Variants in FAM9B observed in about 807,000 individuals in gnomAD.
FAM9B encodes protein FAM9B.
FAM9B carries 18 observed loss-of-function variants against 16.6 expected under a neutral mutation model. The observed-to-expected ratio is 1.09, with a 90% CI of 0.75 to 1.61. FAM9B has a LOEUF of 1.61. Among genes scored for constraint, FAM9B ranks in the 40% most tolerant of loss-of-function variants. The probability of loss-of-function intolerance (pLI) is 0.00; values close to 1 mark genes in which losing one functional copy is unlikely to be tolerated. For synonymous variants in FAM9B, 43 were observed against 42.6 expected (o/e 1.01, Z -0.03); for missense variants, 155 against 136.0 (o/e 1.14, Z -0.70).
intron 1 of FAM9B, 68 bp downstream of exon 1, chrX:9,033,784 C>A (rs1266194990): frequency 2.1e-5 from 16 of 745,118 alleles, no homozygotes; most frequent in Middle Eastern, 7.5e-4. Flanking sequence ...GGCTGCCCAG[C>A]GCTTCACACC....
intron 6 of FAM9B, 108 bp downstream of exon 6, chrX:9,029,199 C>T: frequency 1.6e-6 from 1 of 634,927 alleles, no homozygotes; most frequent in South Asian, 3.2e-5. Flanking sequence ...ACGGGCCCCC[C>T]TCTCTGGGCT....
chrX:9,024,235 C>G lies in FAM9B; in HGVS notation c.*1174G>C, dbSNP rs1307324869. 9.0e-6 allele frequency: 1 copy of G among 111,377 alleles called. No individual in the cohort carries two copies. Among genetic ancestry groups the G allele is most frequent in the Non-Finnish European group, 1.9e-5 (1 of 53,097 alleles). 9.2% of individuals were successfully genotyped at this position (111,377 alleles called of 1,213,427 possible). On this transcript the variant is annotated 3_prime_UTR_variant, in exon 9 of 9. Coordinates refer to ENST00000327220, the MANE Select transcript of FAM9B (RefSeq NM_205849.3). ...AAAAAGGAAAGGCAGGCGAATTCAT[C>G]ATTCAAGTTTTTAGATGTCCATATA... is the stretch of plus-strand genomic sequence containing the variant.
intron 4 of FAM9B, chrX:9,031,216 T>A (rs1027841141): frequency 2.6e-4 from 29 of 112,004 alleles, no homozygotes; most frequent in African/African-American, 7.1e-4. Flanking sequence ...CTTGTATGAA[T>A]CATCGCTAGA....
intron 4 of FAM9B, chrX:9,031,810 G>T: frequency 4.5e-6 from 1 of 220,844 alleles, no homozygotes; most frequent in Non-Finnish European, 8.2e-6. Context: ...GACTTAATCT[G>T]TGTATACTAA....
chrX:9,027,990 G>A lies in FAM9B; in HGVS notation c.394-24C>T, dbSNP rs765772435. 9.3e-6 allele frequency: 10 copies of A among 1,077,419 alleles called. No individual in the cohort carries two copies. In the East Asian group the frequency reaches 2.7e-4, roughly 29 times the overall value. The allele number at this position is 1,077,419 out of a possible 1,213,427, so 88.8% of individuals were successfully genotyped here. On this transcript the variant is annotated intron_variant, in intron 6 of 8. Transcript: ENST00000327220. Reference sequence around the variant, plus strand: ...CTCTAGAATCCCAAAACAAAATAGTGATAAAAATTGGGTAAATTTTAATAC... The same window carrying A: ...CTCTAGAATCCCAAAACAAAATAGTAATAAAAATTGGGTAAATTTTAATAC...
intron 7 of FAM9B, among the ~76,000 whole-genome samples, chrX:9,027,604 A>G (rs1920979618): frequency 8.9e-6 from 1 of 111,735 alleles, no homozygotes. Flanking sequence ...TAAAGTGTCA[A>G]TTTTATACAT....
Position 9,032,662 on chromosome X carries a change from G to A in FAM9B, c.29-201C>T. ...ACTTTTGGAAGCCCTTCGGGTTCAG[G>A]TTCCAGTAAACAACGTACTACAGTT... On this transcript the variant is annotated intron_variant, in intron 2 of 8. Coordinates refer to ENST00000327220, the MANE Select transcript of FAM9B (RefSeq NM_205849.3). 5 of 641,185 alleles carry A rather than the reference G, an allele frequency of 7.8e-6. 1 individual carries two copies. The highest frequency in any genetic ancestry group is 1.2e-5 in the Non-Finnish European group (5 of 433,657). 52.8% of individuals were successfully genotyped at this position (641,185 alleles called of 1,213,427 possible). A position where few individuals can be genotyped will look rare whatever the true frequency, so the allele number is the denominator to read the frequency against.
Position 9,025,501 on chromosome X carries a change from A to C in FAM9B, c.*14T>G, listed in dbSNP as rs1420096129. 1 of 1,185,280 alleles carries C rather than the reference A, an allele frequency of 8.4e-7. No individual in the cohort carries two copies. Among genetic ancestry groups the C allele is most frequent in the Middle Eastern group, 2.4e-4 (1 of 4,235 alleles). On this transcript the variant is annotated 3_prime_UTR_variant, in exon 8 of 9. Coordinates refer to ENST00000327220, the MANE Select transcript of FAM9B (RefSeq NM_205849.3). Reference sequence around the variant, plus strand: ...CTACTTACAGTTCTGACATGATTTTATTTAAAAACATGTCTAGTTATCAAG... The same window carrying C: ...CTACTTACAGTTCTGACATGATTTTCTTTAAAAACATGTCTAGTTATCAAG...
At position 9,029,417 on chromosome X, in the gene FAM9B, G is replaced by C. The variant is rs1008145444; in HGVS notation, c.283C>G (p.Gln95Glu). Reference sequence around the variant, plus strand: ...AGAGAATGTATATAATCACGTTTCTGCCTGTAACACATAATAAGTAACACG... The same window carrying C: ...AGAGAATGTATATAATCACGTTTCTCCCTGTAACACATAATAAGTAACACG... ...HALRKKQLKR[Q>E]KRDYIHSLKL... is the part of the protein sequence containing the mutation. Residue 95 changes from glutamine to glutamate, a missense_variant and splice_region_variant, in exon 6 of 9, where the codon CAG becomes GAG. Physicochemically the swap from Gln to Glu is conservative, Grantham distance 29 (BLOSUM62 2). Coordinates refer to ENST00000327220, the MANE Select transcript of FAM9B (RefSeq NM_205849.3). The C allele has an allele frequency of 3.5e-6, 4 of 1,158,734 alleles. No individual in the cohort carries two copies. The highest frequency in any genetic ancestry group is 4.4e-5 in the Admixed American group (2 of 45,451).
At chrX:9,028,851 C>T (rs748490946) in intron 6 of FAM9B, among the ~76,000 whole-genome samples, 2 of 111,362 alleles carry the variant, frequency 1.8e-5, no homozygotes, top group South Asian at 7.6e-4. Flanking sequence ...TCACTCACTT[C>T]AGTACTACAG....
intron 1 of FAM9B, 154 bp downstream of exon 1, chrX:9,033,680 GGCCCACCCCAGCCCACCC>G: frequency 8.9e-6 from 1 of 112,648 alleles, no homozygotes; most frequent in Non-Finnish European, 1.6e-5. Context: ...TCCCTGCCCT[GGCCCACCCCAGCCCACCC>G]TAGCCCACCC....
Position 9,032,910 on chromosome X carries a change from G to A in FAM9B, c.28+49C>T, listed in dbSNP as rs375029458. ...CCCCAGCGCAGAAAGCAGACAGACCGTCCTCTTGGGCGTGCACCTTCTTCT... is the reference window on the plus strand; with the variant it reads ...CCCCAGCGCAGAAAGCAGACAGACCATCCTCTTGGGCGTGCACCTTCTTCT... On this transcript the variant is annotated intron_variant, in intron 2 of 8. Transcript: ENST00000327220. 5.0e-6 allele frequency: 6 copies of A among 1,197,832 alleles called. No homozygotes were observed. In the African/African-American group the frequency reaches 8.8e-5, roughly 18 times the overall value.
intron 4 of FAM9B, 84 bp downstream of exon 4, chrX:9,032,046 C>T (rs1921090886): frequency 8.2e-6 from 7 of 856,042 alleles, no homozygotes; most frequent in East Asian, 6.4e-5. Flanking sequence ...ACAGTCTTGT[C>T]GTCCACTAAT....
rs1920954721 is a variant in FAM9B at position 9,024,557 on chromosome X, T to C, written c.*852A>G. ...TTTTTTAAGAACACAGACAGTAAGG[T>C]GCTTTTAATAATTTTGATATGGCCA... On this transcript the variant is annotated 3_prime_UTR_variant, in exon 9 of 9. Coordinates refer to ENST00000327220, the MANE Select transcript of FAM9B (RefSeq NM_205849.3). 1 of 111,710 alleles carries C rather than the reference T, an allele frequency of 9.0e-6. No individual in the cohort carries two copies. Among genetic ancestry groups the C allele is most frequent in the African/African-American group, 3.3e-5 (1 of 30,748 alleles). 9.2% of individuals were successfully genotyped at this position (111,710 alleles called of 1,213,427 possible).
chrX:9,032,036 A>C (rs1921090625), intron 4 of FAM9B, 94 bp downstream of exon 4: 2 of 779,554 alleles, frequency 2.6e-6, no homozygotes, highest in African/African-American at 2.1e-5. Flanking sequence ...GCCATTTAAG[A>C]CAGTCTTGTC....
chrX:9,026,544 CAAT>C (rs1429106702), intron 7 of FAM9B, among the ~76,000 whole-genome samples: 1 of 111,049 alleles, frequency 9.0e-6, no homozygotes, highest in Non-Finnish European at 1.9e-5. Context: ...TATTGCCAAT[CAAT>C]GAAGGATGGC....
chrX:9,033,751 G>A, intron 1 of FAM9B, 101 bp downstream of exon 1: 1 of 747,764 alleles, frequency 1.3e-6, no homozygotes. Flanking sequence ...ACGACGCTGG[G>A]GCCATTTCCT....
In FAM9B at chrX:9,027,874, G is replaced by T. The variant is rs140708668; in HGVS notation, c.486C>A (p.Phe162Leu). Residue 162 changes from phenylalanine to leucine, a missense_variant, in exon 7 of 9, where the codon TTC (phenylalanine) becomes TTA (leucine). Transcript: ENST00000327220. ...GTTACCAAATAGAACAGACCTTTAC[G>T]AATTGGTCACGTAGCAGCTTCATCT... is the stretch of plus-strand genomic sequence containing the variant. ...LKEMKLLRDQ[F>L]VKALEDFEDL... 1 of 1,205,662 alleles carries T rather than the reference G, an allele frequency of 8.3e-7. No homozygotes were observed. The highest frequency in any genetic ancestry group is 1.1e-6 in the Non-Finnish European group (1 of 890,293).
In FAM9B at chrX:9,032,129, C is replaced by A. The variant is rs372384355; in HGVS notation, c.181+1G>T. ...AACTACAGATAACTCCTAAAACATA[C>A]CTGCAGTATCTTCTGGCTTCTTGGT... is the stretch of plus-strand genomic sequence containing the variant. On this transcript the variant is annotated splice_donor_variant, in intron 4 of 8. Coordinates refer to ENST00000327220, the MANE Select transcript of FAM9B (RefSeq NM_205849.3). LOFTEE classifies it high-confidence loss of function. 2 of 1,203,420 alleles carry A rather than the reference C, an allele frequency of 1.7e-6. No homozygotes were observed. The highest frequency in any genetic ancestry group is 3.5e-5 in the African/African-American group (2 of 56,866).
Sources: allele counts gnomAD v4.1 joint callset (sites outside exome capture counted in the v4.1 genomes callset), GRCh38; gene constraint gnomAD v4.1.1; transcripts MANE v1.5; gene names NCBI Gene and HGNC (gene_info 2026-07-23, HGNC 2026-07-21).